Variants in SYCP2L observed in about 807,000 individuals in gnomAD.
The protein encoded by SYCP2L is synaptonemal complex protein 2-like.
In SYCP2L, 98 loss-of-function variants were observed where a neutral mutation model predicts 125.8. That is an observed-to-expected ratio of 0.78 (90% confidence interval 0.66 to 0.92). SYCP2L has a LOEUF of 0.92. Among genes scored for constraint, SYCP2L ranks in the 40% least tolerant of loss-of-function variants. The pLI is 0.00. For missense variants in SYCP2L, 842 were observed against 936.4 expected (o/e 0.90, Z 1.32); for synonymous variants, 317 against 325.4 (o/e 0.97, Z 0.28).
At chr6:10,914,122 C>T (rs772568004) in intron 14 of SYCP2L, among the ~76,000 whole-genome samples, 4 of 152,234 alleles carry the variant, frequency 2.6e-5, no homozygotes, top group African/African-American at 7.2e-5. Context: ...TGTGAGCCAC[C>T]GTGCCCATTC....
At chr6:10,932,942 C>A (rs1337764735) in intron 20 of SYCP2L, among the ~76,000 whole-genome samples, 3 of 152,080 alleles carry the variant, frequency 2.0e-5, no homozygotes, top group South Asian at 4.1e-4. Flanking sequence ...TCAGTAGAGA[C>A]AGAGTTTTGC....
chr6:10,973,314 C>G (rs1237155471), intron 29 of SYCP2L, among the ~76,000 whole-genome samples: 2 of 152,174 alleles, frequency 1.3e-5, no homozygotes, highest in Non-Finnish European at 2.9e-5. Flanking sequence ...GGGCGGATCA[C>G]CTGAGGTGAG....
At chr6:10,961,426 C>A (rs758815545) in intron 27 of SYCP2L, 22 bp downstream of exon 27, 89 of 1,613,320 alleles carry the variant, frequency 5.5e-5, no homozygotes, top group Non-Finnish European at 6.7e-5. Context: ...TTGTGTGGAA[C>A]ATTTTCTGAC....
At chr6:10,930,121 T>A in intron 18 of SYCP2L, 1 of 304,182 alleles carries the variant, frequency 3.3e-6, no homozygotes, top group Non-Finnish European at 6.0e-6. Context: ...TCATCCACCA[T>A]CTCTTCTGTT....
chr6:10,921,706 C>T (rs959969036), intron 14 of SYCP2L, among the ~76,000 whole-genome samples: 3 of 151,592 alleles, frequency 2.0e-5, no homozygotes, highest in African/African-American at 7.3e-5. Flanking sequence ...TGTCCTTTGA[C>T]CACCTTTTTT....
chr6:10,922,283 A>G (rs796836201), intron 14 of SYCP2L, among the ~76,000 whole-genome samples: 24 of 152,238 alleles, frequency 1.6e-4, no homozygotes, highest in African/African-American at 5.8e-4. Flanking sequence ...TTCCATTCTT[A>G]TAGCCAAAGA....
At chr6:10,936,802 C>T (rs1337526848) in intron 21 of SYCP2L, among the ~76,000 whole-genome samples, 1 of 152,094 alleles carries the variant, frequency 6.6e-6, no homozygotes, top group East Asian at 1.9e-4. Context: ...GTGGTTATAC[C>T]TACATCAGGC....
At chr6:10,906,891 G>A (rs1214670259) in intron 9 of SYCP2L, among the ~76,000 whole-genome samples, 1 of 150,886 alleles carries the variant, frequency 6.6e-6, no homozygotes, top group African/African-American at 2.4e-5. Flanking sequence ...GAGCCACCAC[G>A]CCTGGCCAGT....
chr6:10,895,279 C>T (rs1262223621), intron 4 of SYCP2L, among the ~76,000 whole-genome samples: 2 of 150,276 alleles, frequency 1.3e-5, no homozygotes. Flanking sequence ...AATAGGACTT[C>T]TTCTGCGCAG....
intron 2 of SYCP2L, among the ~76,000 whole-genome samples, chr6:10,891,830 T>A (rs1236011669): frequency 6.6e-6 from 1 of 152,216 alleles, no homozygotes; most frequent in Non-Finnish European, 1.5e-5. Context: ...CCATTAGCTA[T>A]CTTACCAATA....
intron 9 of SYCP2L, among the ~76,000 whole-genome samples, chr6:10,906,461 G>A (rs951792910): frequency 3.9e-5 from 6 of 152,090 alleles, no homozygotes; most frequent in Admixed American, 3.3e-4. Context: ...TCATTTTGCA[G>A]ATTTTAAAAG....
chr6:10,888,089 T>A (rs1393280449), intron 1 of SYCP2L, among the ~76,000 whole-genome samples: 1,770 of 89,644 alleles, frequency 0.02, 166 homozygotes, highest in African/African-American at 0.042. Context: ...TTTTTTTTTT[T>A]TTTTTTTTTT....
Position 10,910,617 on chromosome 6 carries a change from C to T in SYCP2L, c.873-207C>T, listed in dbSNP as rs557272470. 6.6e-5 allele frequency among the ~76,000 whole-genome samples: 10 copies of T among 152,208 alleles called. No individual in the cohort carries two copies. In the South Asian group the frequency reaches 2.1e-3, roughly 32 times the overall value. On this transcript the variant is annotated intron_variant, in intron 11 of 29. Coordinates refer to ENST00000283141, the MANE Select transcript of SYCP2L (RefSeq NM_001040274.3). Reference sequence around the variant, plus strand: ...TGAGTAACTGGGTTGAGATATAGTACTAGTAAACCTGGCTTACTGACTGCC... The same window carrying T: ...TGAGTAACTGGGTTGAGATATAGTATTAGTAAACCTGGCTTACTGACTGCC...
intron 15 of SYCP2L, 58 bp from the exon 16 acceptor site, chr6:10,926,281 A>T (rs566136525): frequency 4.2e-4 from 413 of 995,026 alleles, no homozygotes; most frequent in Non-Finnish European, 5.1e-4. Flanking sequence ...TTTTCCTTAA[A>T]TTTTTTTTTT....
At chr6:10,951,083 C>T (rs1271143532) in intron 23 of SYCP2L, among the ~76,000 whole-genome samples, 6 of 152,146 alleles carry the variant, frequency 3.9e-5, no homozygotes, top group African/African-American at 7.2e-5. Context: ...CATATAGACA[C>T]ACTCCATAAG....
chr6:10,930,612 A>C, intron 19 of SYCP2L, 98 bp downstream of exon 19: 1 of 1,354,698 alleles, frequency 7.4e-7, no homozygotes, highest in Non-Finnish European at 1.0e-6. Context: ...GTCCAAAGAA[A>C]TATATGATTA....
chr6:10,897,028 C>A (rs142392378), intron 4 of SYCP2L, among the ~76,000 whole-genome samples: 5 of 144,568 alleles, frequency 3.5e-5, no homozygotes, highest in Admixed American at 1.4e-4. Flanking sequence ...ACTATGCATG[C>A]GGAGTTTTTC....
intron 14 of SYCP2L, chr6:10,922,925 T>A (rs1301877836): frequency 6.6e-6 from 1 of 152,194 alleles, no homozygotes; most frequent in Non-Finnish European, 1.5e-5. Flanking sequence ...GAATATTATA[T>A]CCTGGAATAA....
At position 10,893,877 on chromosome 6, in the gene SYCP2L, T is replaced by G; in HGVS notation, c.89T>G (p.Leu30Arg). The G allele has an allele frequency of 1.9e-6, 3 of 1,608,512 alleles. No individual in the cohort carries two copies. In the South Asian group the frequency reaches 3.4e-5, roughly 18 times the overall value. Reference sequence around the variant, plus strand: ...CTATCATCTTTCCAGCTTCAATCACTTATTACGGATGCATTCCATGATAAA... The same window carrying G: ...CTATCATCTTTCCAGCTTCAATCACGTATTACGGATGCATTCCATGATAAA... ...AQDDAFWLQS[L>R]ITDAFHDKGF... Residue 30 changes from leucine (L) to arginine (R), a missense_variant, in exon 3 of 30, where the codon CTT (leucine) becomes CGT (arginine). Coordinates refer to ENST00000283141, the MANE Select transcript of SYCP2L (RefSeq NM_001040274.3).
Sources: gnomAD v4.1 joint callset for allele counts (sites outside exome capture counted in the v4.1 genomes callset) on GRCh38, gnomAD v4.1.1 for gene constraint, MANE v1.5 for transcripts, NCBI Gene and HGNC (gene_info 2026-07-23, HGNC 2026-07-21) for gene names.